Variants in RSRC1 observed in about 807,000 individuals in gnomAD.
RSRC1 encodes the protein arginine and serine rich coiled-coil 1.
A neutral mutation model predicts 49.1 loss-of-function variants in RSRC1; 39 were observed. That is an observed-to-expected ratio of 0.79 (90% CI 0.61 to 1.04). RSRC1 has a LOEUF of 1.04. RSRC1 is among the 50% of genes least tolerant of loss of function. RSRC1 has a pLI of 0.00. For synonymous variants in RSRC1, 143 were observed against 130.8 expected, an observed-to-expected ratio of 1.09 and a Z score of -0.63; for missense variants, 388 against 402.4, an observed-to-expected ratio of 0.96 and a Z score of 0.31.
chr3:158,146,293 G>C (rs907223076), intron 3 of RSRC1, among the ~76,000 whole-genome samples: 2 of 152,102 alleles, frequency 1.3e-5, no homozygotes, highest in Non-Finnish European at 2.9e-5. Context: ...ATTATTTTGA[G>C]ATACGTCCCA....
chr3:158,255,052 G>T lies in RSRC1; in HGVS notation c.495-42987G>T, dbSNP rs147477466. Among the ~76,000 whole-genome samples, 122 of 152,224 alleles carry T rather than the reference G, an allele frequency of 8.0e-4. No homozygotes were observed. The East Asian group carries it at 0.022, about 28-fold the overall frequency. ...ACTCTGATGGTAGTTTTCTTTTGCT[G>T]TGCAGAAGCTCTTTGATTAGATCTC... On this transcript the variant is annotated intron_variant, in intron 4 of 9. Transcript: ENST00000611884.
chr3:158,268,805 G>A (rs954402643), intron 4 of RSRC1, among the ~76,000 whole-genome samples: 9 of 152,070 alleles, frequency 5.9e-5, no homozygotes, highest in Admixed American at 4.6e-4. Context: ...TGTGACTTGA[G>A]ATAATTTTTA....
intron 5 of RSRC1, among the ~76,000 whole-genome samples, chr3:158,325,446 T>G (rs1477518174): frequency 6.6e-6 from 1 of 152,244 alleles, no homozygotes; most frequent in Non-Finnish European, 1.5e-5. Context: ...TTTCTACATA[T>G]GGCTAGCCAG....
Position 158,537,081 on chromosome 3 carries a change from C to G in RSRC1, c.653-11C>G. ...CACCAAAATACGCTGACATTATACC[C>G]TCTTTTTCAGACCAAGCCACCCTGG... On this transcript the variant is annotated splice_polypyrimidine_tract_variant and intron_variant, in intron 7 of 9. Coordinates refer to ENST00000611884, the MANE Select transcript of RSRC1 (RefSeq NM_001271838.2). 1 of 1,584,884 alleles carries G rather than the reference C, an allele frequency of 6.3e-7. No individual in the cohort carries two copies. Among genetic ancestry groups the G allele is most frequent in the East Asian group, 2.2e-5 (1 of 44,476 alleles).
intron 4 of RSRC1, among the ~76,000 whole-genome samples, chr3:158,284,578 T>C (rs577725605): frequency 2.5e-4 from 36 of 144,760 alleles, no homozygotes; most frequent in African/African-American, 8.8e-4. Context: ...TTTTAATGAT[T>C]GCCATTCTAA....
At chr3:158,449,055 C>T (rs139755942) in intron 6 of RSRC1, among the ~76,000 whole-genome samples, 1 of 151,774 alleles carries the variant, frequency 6.6e-6, no homozygotes, top group Admixed American at 6.6e-5. Flanking sequence ...CTCATTCAGC[C>T]CACATTTTTC....
chr3:158,452,539 C>T (rs1737100343), intron 6 of RSRC1, among the ~76,000 whole-genome samples: 2 of 152,184 alleles, frequency 1.3e-5, no homozygotes, highest in Admixed American at 6.6e-5. Flanking sequence ...GATTACAAAT[C>T]TTGCCAGTTT....
intron 7 of RSRC1, among the ~76,000 whole-genome samples, chr3:158,524,560 C>A (rs769739113): frequency 5.3e-5 from 8 of 151,888 alleles, no homozygotes; most frequent in Admixed American, 2.6e-4. Flanking sequence ...GATGTCTTAC[C>A]CTTCTTAGTC....
At chr3:158,468,496 C>T (rs1737988227) in intron 7 of RSRC1, among the ~76,000 whole-genome samples, 1 of 152,258 alleles carries the variant, frequency 6.6e-6, no homozygotes, top group East Asian at 1.9e-4. Context: ...AAGTTTGGCA[C>T]AGTGATTAAG....
intron 5 of RSRC1, among the ~76,000 whole-genome samples, chr3:158,353,432 G>A (rs1274450030): frequency 6.6e-6 from 1 of 152,186 alleles, no homozygotes; most frequent in Admixed American, 6.5e-5. Context: ...TTATTGTTGA[G>A]TTGATCACAA....
intron 3 of RSRC1, among the ~76,000 whole-genome samples, chr3:158,194,575 C>A (rs1451400470): frequency 6.7e-6 from 1 of 150,266 alleles, no homozygotes; most frequent in Non-Finnish European, 1.5e-5. Context: ...TATACATGTG[C>A]CATGTTGGTG....
rs186837548 is a variant in RSRC1 at position 158,250,588 on chromosome 3, A to C, written c.494+47343A>C. Among the ~76,000 whole-genome samples, 59 of 152,340 alleles carry C rather than the reference A, an allele frequency of 3.9e-4. 1 individual carries two copies. Among genetic ancestry groups the C allele is most frequent in the African/African-American group, 1.3e-3 (54 of 41,590 alleles). On this transcript the variant is annotated intron_variant, in intron 4 of 9. Transcript: ENST00000611884. ...TCAGTGATGTTGAATGGCTTTTCAA[A>C]TACCTGTTTGTCACTTGTATGTCTT...
At chr3:158,197,517 G>T (rs191004050) in intron 3 of RSRC1, among the ~76,000 whole-genome samples, 10 of 152,084 alleles carry the variant, frequency 6.6e-5, no homozygotes, top group African/African-American at 1.2e-4. Flanking sequence ...CTGCTCTGAT[G>T]TTAGTTATTT....
intron 3 of RSRC1, among the ~76,000 whole-genome samples, chr3:158,191,075 A>G (rs1250407244): frequency 6.6e-6 from 1 of 151,970 alleles, no homozygotes; most frequent in African/African-American, 2.4e-5. Flanking sequence ...GGCATCATTT[A>G]TGATCTTGTT....
chr3:158,236,981 A>G (rs1177293250), intron 4 of RSRC1, among the ~76,000 whole-genome samples: 6 of 152,178 alleles, frequency 3.9e-5, no homozygotes, highest in Non-Finnish European at 5.9e-5. Flanking sequence ...GCCATTAGAT[A>G]AAACTGGTTT....
At chr3:158,294,717 A>G (rs748965513) in intron 4 of RSRC1, among the ~76,000 whole-genome samples, 5 of 151,870 alleles carry the variant, frequency 3.3e-5, no homozygotes, top group Non-Finnish European at 7.4e-5. Context: ...AGTAAAAAAA[A>G]TAAATAAATA....
chr3:158,482,688 TGTAA>T (rs2108437850), intron 7 of RSRC1, among the ~76,000 whole-genome samples: 1 of 152,048 alleles, frequency 6.6e-6, no homozygotes, highest in East Asian at 1.9e-4. Context: ...TATCATACTC[TGTAA>T]GTTATTTTTA....
intron 5 of RSRC1, among the ~76,000 whole-genome samples, chr3:158,348,566 G>T (rs547572062): frequency 6.9e-5 from 10 of 144,880 alleles, no homozygotes; most frequent in East Asian, 2.2e-4. Context: ...GTTTTTGTGT[G>T]TTTTTTTAAA....
At chr3:158,395,400 C>G (rs1441800308) in intron 6 of RSRC1, among the ~76,000 whole-genome samples, 1 of 152,096 alleles carries the variant, frequency 6.6e-6, no homozygotes, top group East Asian at 1.9e-4. Flanking sequence ...AGACAACCTA[C>G]AGAATGCTAG....
Sources: gnomAD v4.1 joint callset for allele counts (sites outside exome capture counted in the v4.1 genomes callset) on GRCh38, gnomAD v4.1.1 for gene constraint, MANE v1.5 for transcripts, NCBI Gene and HGNC (gene_info 2026-07-23, HGNC 2026-07-21) for gene names.